DLGAP1: variants seen among roughly 807,000 people sequenced by gnomAD.
DLGAP1 encodes the protein DLG associated protein 1.
In DLGAP1, 11 loss-of-function variants were observed where a neutral mutation model predicts 90.8. That is an observed-to-expected ratio of 0.12 (90% CI 0.08 to 0.20). The LOEUF is 0.20. Among genes scored for constraint, DLGAP1 ranks in the 10% least tolerant of loss-of-function variants. The pLI, the probability that DLGAP1 is intolerant of heterozygous loss-of-function variation, is 1.00. For missense variants in DLGAP1, 1,050 were observed against 1,333.8 expected (o/e 0.79, Z 3.31); for synonymous variants, 558 against 540.7 (o/e 1.03, Z -0.44).
intron 7 of DLGAP1, among the ~76,000 whole-genome samples, chr18:3,650,353 A>T (rs565727636): frequency 1.2e-4 from 19 of 152,164 alleles, no homozygotes; most frequent in African/African-American, 4.6e-4. Context: ...TGAAACATTT[A>T]TATTTCATAG....
chr18:4,057,931 C>A (rs4547428), intron 2 of DLGAP1, among the ~76,000 whole-genome samples: 6,666 of 152,230 alleles, frequency 0.044, 164 homozygotes, highest in Non-Finnish European at 0.056. Flanking sequence ...TTCCTCTCAG[C>A]CATAGAGGCT....
intron 2 of DLGAP1, among the ~76,000 whole-genome samples, chr18:4,014,257 T>TG (rs1014350075): frequency 1.3e-5 from 2 of 152,092 alleles, no homozygotes; most frequent in Non-Finnish European, 2.9e-5. Flanking sequence ...AGCTAATTTC[T>TG]GTATTTTTAG....
intron 2 of DLGAP1, among the ~76,000 whole-genome samples, chr18:4,122,561 T>G (rs1389868424): frequency 1.3e-5 from 2 of 152,232 alleles, no homozygotes; most frequent in African/African-American, 4.8e-5. Context: ...TTACGTTTTT[T>G]GCACTGTTAG....
intron 5 of DLGAP1, among the ~76,000 whole-genome samples, chr18:3,744,182 T>C (rs953468725): frequency 2.6e-5 from 4 of 152,156 alleles, no homozygotes; most frequent in Non-Finnish European, 5.9e-5. Context: ...GATTTGAGTA[T>C]TTATAGATTA....
chr18:3,603,006 A>T (rs970661281), intron 7 of DLGAP1: 1 of 152,224 alleles, frequency 6.6e-6, no homozygotes, highest in Non-Finnish European at 1.5e-5. Context: ...CAAAGAGAAC[A>T]CAAGAGGACA....
intron 1 of DLGAP1, among the ~76,000 whole-genome samples, chr18:4,361,037 TC>T (rs2081620283): frequency 1.3e-5 from 2 of 152,168 alleles, no homozygotes; most frequent in South Asian, 4.1e-4. Flanking sequence ...CTAAACCTTA[TC>T]TATAGATACA....
intron 7 of DLGAP1, among the ~76,000 whole-genome samples, chr18:3,648,325 G>A (rs541914210): frequency 3.9e-5 from 6 of 152,254 alleles, no homozygotes; most frequent in South Asian, 2.1e-4. Context: ...CAACAAAACC[G>A]TTGTATATAC....
intron 1 of DLGAP1, among the ~76,000 whole-genome samples, chr18:4,209,957 A>G (rs2077807830): frequency 6.6e-6 from 1 of 152,166 alleles, no homozygotes; most frequent in Admixed American, 6.5e-5. Flanking sequence ...CTCCAATAAT[A>G]CTTCTCTTCC....
intron 2 of DLGAP1, among the ~76,000 whole-genome samples, chr18:4,136,620 C>G: frequency 6.6e-6 from 1 of 152,106 alleles, no homozygotes; most frequent in Admixed American, 6.6e-5. Flanking sequence ...GCTTGAGCTC[C>G]TTATATATTC....
intron 1 of DLGAP1, among the ~76,000 whole-genome samples, chr18:4,280,201 A>G (rs897394050): frequency 6.6e-6 from 1 of 152,220 alleles, no homozygotes; most frequent in African/African-American, 2.4e-5. Flanking sequence ...TAGTCCTGCC[A>G]ACCCTTTAAA....
At chr18:4,114,928 T>C (rs1598425454) in intron 2 of DLGAP1, among the ~76,000 whole-genome samples, 1 of 152,180 alleles carries the variant, frequency 6.6e-6, no homozygotes, top group East Asian at 1.9e-4. Flanking sequence ...TTGATTGGAT[T>C]GTACATATTT....
chr18:3,814,880 A>T (rs2067024211), intron 4 of DLGAP1, among the ~76,000 whole-genome samples: 1 of 152,244 alleles, frequency 6.6e-6, no homozygotes, highest in Non-Finnish European at 1.5e-5. Context: ...TATTGGTAAT[A>T]TAATTATCTG....
At chr18:4,082,510 C>CAAAAAAAAAAAAAGAA (rs2075624495) in intron 2 of DLGAP1, among the ~76,000 whole-genome samples, 1 of 52,090 alleles carries the variant, frequency 1.9e-5, no homozygotes, top group African/African-American at 9.0e-5. Context: ...GACTTTGTCT[C>CAAAAAAAAAAAAAGAA]AAAAAAAAAA....
chr18:3,940,406 G>A (rs1599190759), intron 3 of DLGAP1, among the ~76,000 whole-genome samples: 1 of 152,210 alleles, frequency 6.6e-6, no homozygotes, highest in East Asian at 1.9e-4. Flanking sequence ...TAAGTTGTCA[G>A]TGTCGAGGTA....
intron 3 of DLGAP1, among the ~76,000 whole-genome samples, chr18:3,940,368 G>C (rs2072741687): frequency 6.6e-6 from 1 of 152,218 alleles, no homozygotes; most frequent in Non-Finnish European, 1.5e-5. Flanking sequence ...CAGAATCCCT[G>C]TGGGGTAACA....
chr18:3,789,064 A>T (rs9953108), intron 5 of DLGAP1, among the ~76,000 whole-genome samples: 1,883 of 152,346 alleles, frequency 0.012, 41 homozygotes, highest in African/African-American at 0.042. Context: ...CTACAGTGCT[A>T]GTATATCACA....
chr18:3,717,140 C>T (rs2061793340), intron 7 of DLGAP1, among the ~76,000 whole-genome samples: 1 of 148,968 alleles, frequency 6.7e-6, no homozygotes, highest in Non-Finnish European at 1.5e-5. Context: ...GAATATGCTG[C>T]ATTTCAAAAG....
chr18:4,270,451 T>C (rs2079251148), intron 1 of DLGAP1, among the ~76,000 whole-genome samples: 1 of 152,222 alleles, frequency 6.6e-6, no homozygotes, highest in Non-Finnish European at 1.5e-5. Flanking sequence ...GATTTGTTAC[T>C]TTAAAACTTG....
Position 3,814,165 on chromosome 18 carries a change from T to C in DLGAP1, c.1066A>G (p.Ser356Gly). ...SYIKAMGDED[S>G]GDSDTSPKPS... ...TTAGGACTCGTGTCTGAGTCTCCAC[T>C]GTCTTCATCCCCCATGGCCTTGATA... is the stretch of plus-strand genomic sequence containing the variant. The change falls in exon 5 of 13, where the codon AGT (serine) becomes GGT (glycine). Residue 356 changes from serine to glycine, a missense_variant. Transcript: ENST00000315677. 1 of 1,614,126 alleles carries C rather than the reference T, an allele frequency of 6.2e-7. No homozygotes were observed. Among genetic ancestry groups the C allele is most frequent in the Non-Finnish European group, 8.5e-7 (1 of 1,180,004 alleles).
Sources: allele counts gnomAD v4.1 joint callset (sites outside exome capture counted in the v4.1 genomes callset), GRCh38; gene constraint gnomAD v4.1.1; transcripts MANE v1.5; gene names NCBI Gene and HGNC (gene_info 2026-07-23, HGNC 2026-07-21).